The following SLC16A2 variants were observed in gnomAD, a reference collection of about 807,000 sequenced individuals.
SLC16A2 encodes the protein monocarboxylate transporter 8.
A neutral mutation model predicts 27.2 loss-of-function variants in SLC16A2; 3 were observed. That is an observed-to-expected ratio of 0.11 (90% CI 0.05 to 0.28). SLC16A2 has a LOEUF of 0.28. Among genes scored for constraint, SLC16A2 ranks in the 10% least tolerant of loss-of-function variants. The pLI, the probability that SLC16A2 is intolerant of heterozygous loss-of-function variation, is 1.00. For synonymous variants in SLC16A2, 202 were observed against 187.8 expected (o/e 1.08, Z -0.62); for missense variants, 295 against 458.5 (o/e 0.64, Z 3.26).
At position 74,513,649 on chromosome X, in the gene SLC16A2, C is replaced by CA. The variant is rs1930269539; in HGVS notation, c.431-7341_431-7340insA. 1.7e-4 allele frequency among the ~76,000 whole-genome samples: 19 copies of CA among 111,729 alleles called. 1 individual carries two copies. The Admixed American group carries it at 1.8e-3, about 11-fold the overall frequency. On this transcript the variant is annotated intron_variant, in intron 1 of 5. Transcript: ENST00000587091. Reference sequence around the variant, plus strand: ...TTTGATAACCTATCCCACTAACAGTCCCTTAAGTCACTTCTCTTATATAAC... The same window carrying CA: ...TTTGATAACCTATCCCACTAACAGTCACCTTAAGTCACTTCTCTTATATAAC...
At chrX:74,464,251 GT>G (rs1569289225) in intron 1 of SLC16A2, among the ~76,000 whole-genome samples, 1 of 112,383 alleles carries the variant, frequency 8.9e-6, no homozygotes, top group Non-Finnish European at 1.9e-5. Flanking sequence ...TTATGTACAA[GT>G]TGTTTACAAG....
At chrX:74,474,512 G>A (rs1223632334) in intron 1 of SLC16A2, among the ~76,000 whole-genome samples, 1 of 107,634 alleles carries the variant, frequency 9.3e-6, no homozygotes, top group East Asian at 2.9e-4. Flanking sequence ...AAGTTTTAGG[G>A]TACATGTGCA....
chrX:74,490,675 C>T (rs1156559507), intron 1 of SLC16A2, among the ~76,000 whole-genome samples: 1 of 111,432 alleles, frequency 9.0e-6, no homozygotes, highest in Non-Finnish European at 1.9e-5. Context: ...CCCTTGGTCA[C>T]GCAGGGGCAC....
chrX:74,441,243 A>G (rs967505169), intron 1 of SLC16A2, among the ~76,000 whole-genome samples: 13 of 111,208 alleles, frequency 1.2e-4, no homozygotes, highest in African/African-American at 4.3e-4. Context: ...TTTTTAGTAG[A>G]GACGGGGTTT....
chrX:74,463,622 G>T (rs1388584566), intron 1 of SLC16A2, among the ~76,000 whole-genome samples: 2 of 110,934 alleles, frequency 1.8e-5, no homozygotes, highest in South Asian at 3.9e-4. Flanking sequence ...CTCCTCCCGG[G>T]TTCATGCCAT....
chrX:74,499,708 C>A (rs932691062), intron 1 of SLC16A2, among the ~76,000 whole-genome samples: 3 of 111,682 alleles, frequency 2.7e-5, no homozygotes, highest in African/African-American at 9.8e-5. Flanking sequence ...CCCACCTTGG[C>A]CTCCCAAAGT....
chrX:74,457,862 G>C (rs1029036114), intron 1 of SLC16A2, among the ~76,000 whole-genome samples: 1 of 111,319 alleles, frequency 9.0e-6, no homozygotes, highest in Non-Finnish European at 1.9e-5. Flanking sequence ...CTGGGCACCG[G>C]GACCCCTAAT....
intron 1 of SLC16A2, among the ~76,000 whole-genome samples, chrX:74,450,942 C>G (rs1375450457): frequency 9.0e-6 from 1 of 111,685 alleles, no homozygotes; most frequent in Non-Finnish European, 1.9e-5. Context: ...ATACACAGAC[C>G]AACCTGCCTG....
intron 1 of SLC16A2, among the ~76,000 whole-genome samples, chrX:74,458,637 C>T (rs113637513): frequency 0.011 from 1,216 of 111,807 alleles, 11 homozygotes; most frequent in African/African-American, 0.035. Context: ...CATGAGCCAC[C>T]GTGCCTGGCA....
intron 1 of SLC16A2, among the ~76,000 whole-genome samples, chrX:74,475,584 G>A (rs1426909319): frequency 9.0e-6 from 1 of 111,328 alleles, no homozygotes; most frequent in South Asian, 3.7e-4. Context: ...GTATTGCCTA[G>A]GTTTTCTTCT....
At chrX:74,468,215 C>T (rs1187951156) in intron 1 of SLC16A2, among the ~76,000 whole-genome samples, 1 of 111,559 alleles carries the variant, frequency 9.0e-6, no homozygotes, top group Non-Finnish European at 1.9e-5. Context: ...AGAACATTGT[C>T]ATCACCTGGA....
At chrX:74,524,253 C>G in intron 2 of SLC16A2, 106 bp from the exon 3 acceptor site, 2 of 820,450 alleles carry the variant, frequency 2.4e-6, no homozygotes, top group Non-Finnish European at 1.8e-6. Context: ...GCAAGTGGGG[C>G]TGTGGGTTAA....
intron 1 of SLC16A2, among the ~76,000 whole-genome samples, chrX:74,486,777 C>G (rs1009170909): frequency 2.7e-5 from 3 of 112,179 alleles, no homozygotes; most frequent in Non-Finnish European, 5.6e-5. Flanking sequence ...TATAAAGACA[C>G]ATGCACATGT....
chrX:74,493,321 G>A (rs1201552237), intron 1 of SLC16A2, among the ~76,000 whole-genome samples: 4 of 111,946 alleles, frequency 3.6e-5, no homozygotes, highest in African/African-American at 9.8e-5. Flanking sequence ...CCATTTGAGC[G>A]TGAAGAGAGG....
At chrX:74,461,906 G>T (rs776667324) in intron 1 of SLC16A2, among the ~76,000 whole-genome samples, 2 of 111,449 alleles carry the variant, frequency 1.8e-5, no homozygotes, top group Admixed American at 1.9e-4. Context: ...AGGATGCTTT[G>T]TCCCAAGCCC....
intron 1 of SLC16A2, among the ~76,000 whole-genome samples, chrX:74,501,501 A>G (rs1450947029): frequency 2.7e-5 from 3 of 111,469 alleles, no homozygotes; most frequent in African/African-American, 9.8e-5. Context: ...AGCCAGTTTC[A>G]TGGGGAGGTT....
intron 1 of SLC16A2, among the ~76,000 whole-genome samples, chrX:74,456,344 C>T (rs1006988287): frequency 9.0e-6 from 1 of 111,438 alleles, no homozygotes; most frequent in Non-Finnish European, 1.9e-5. Context: ...ATATGAGTTT[C>T]CATGTACCTT....
At chrX:74,484,832 C>T (rs1435866477) in intron 1 of SLC16A2, among the ~76,000 whole-genome samples, 1 of 111,953 alleles carries the variant, frequency 8.9e-6, no homozygotes. Context: ...TCTTTATGGC[C>T]CAGGGCCTTA....
chrX:74,495,906 G>A (rs1187755139), intron 1 of SLC16A2, among the ~76,000 whole-genome samples: 1 of 111,139 alleles, frequency 9.0e-6, no homozygotes, highest in East Asian at 2.9e-4. Flanking sequence ...CATGGTGGGA[G>A]AGTGGGGTCT....
Sources: gnomAD v4.1 joint callset for allele counts (sites outside exome capture counted in the v4.1 genomes callset) on GRCh38, gnomAD v4.1.1 for gene constraint, MANE v1.5 for transcripts, NCBI Gene and HGNC (gene_info 2026-07-23, HGNC 2026-07-21) for gene names.